Variants in QKI observed in about 807,000 individuals in gnomAD.
The protein encoded by QKI is QKI, KH domain containing RNA binding.
A neutral mutation model predicts 39.0 loss-of-function variants in QKI; 10 were observed. That is an observed-to-expected ratio of 0.26 (90% confidence interval 0.16 to 0.43). QKI has a LOEUF of 0.43. QKI is among the 20% of genes least tolerant of loss of function. The pLI is 1.00. For synonymous variants in QKI, 204 were observed against 155.4 expected (o/e 1.31, Z -2.33); for missense variants, 218 against 428.0 (o/e 0.51, Z 4.33).
At chr6:163,435,865 C>A (rs867154211) in intron 1 of QKI, among the ~76,000 whole-genome samples, 1 of 152,060 alleles carries the variant, frequency 6.6e-6, no homozygotes, top group Non-Finnish European at 1.5e-5. Flanking sequence ...TGTATTTAAG[C>A]CATTTATATT....
intron 1 of QKI, among the ~76,000 whole-genome samples, chr6:163,442,558 G>A (rs1299961188): frequency 6.6e-6 from 1 of 152,184 alleles, no homozygotes; most frequent in Non-Finnish European, 1.5e-5. Context: ...AAATGATTGT[G>A]GTTAGAGCTG....
chr6:163,565,859 A>G (rs369965620), intron 6 of QKI: 88 of 1,566,160 alleles, frequency 5.6e-5, no homozygotes, highest in Non-Finnish European at 7.6e-5. Flanking sequence ...AGATGCAGAC[A>G]TGTGTGTTGG....
At chr6:163,423,947 A>G (rs765539051) in intron 1 of QKI, among the ~76,000 whole-genome samples, 1 of 152,230 alleles carries the variant, frequency 6.6e-6, no homozygotes, top group Admixed American at 6.5e-5. Flanking sequence ...AAACAGCCCA[A>G]TGATATATCA....
At position 163,453,357 on chromosome 6, in the gene QKI, G is replaced by A. The variant is rs957410351; in HGVS notation, c.143-1922G>A. Reference sequence around the variant, plus strand: ...GCTATTCTCAGGCTTTGATATTAGTGTGGTGCTAACTGCAGTAAGAATAGG... The same window carrying A: ...GCTATTCTCAGGCTTTGATATTAGTATGGTGCTAACTGCAGTAAGAATAGG... On this transcript the variant is annotated intron_variant, in intron 1 of 7. Coordinates refer to ENST00000361752, the MANE Select transcript of QKI (RefSeq NM_006775.3). 1.1e-4 allele frequency among the ~76,000 whole-genome samples: 16 copies of A among 151,940 alleles called. 1 individual carries two copies. The highest frequency in any genetic ancestry group is 3.9e-4 in the African/African-American group (16 of 41,384).
intron 1 of QKI, among the ~76,000 whole-genome samples, chr6:163,432,600 G>A (rs1341048559): frequency 6.6e-6 from 1 of 151,960 alleles, no homozygotes; most frequent in Non-Finnish European, 1.5e-5. Context: ...AGGGTCTCAC[G>A]ATATTGCCCA....
chr6:163,480,137 G>A (rs1792962033), intron 3 of QKI, among the ~76,000 whole-genome samples: 1 of 152,134 alleles, frequency 6.6e-6, no homozygotes, highest in Non-Finnish European at 1.5e-5. Context: ...ATACTGTGAG[G>A]CAGGATAGTT....
intron 3 of QKI, among the ~76,000 whole-genome samples, chr6:163,505,510 C>A (rs956090780): frequency 6.6e-6 from 1 of 152,318 alleles, no homozygotes; most frequent in East Asian, 1.9e-4. Context: ...CTTGCAACAA[C>A]GTGTCCTGGA....
intron 3 of QKI, among the ~76,000 whole-genome samples, chr6:163,505,412 C>T (rs1469408456): frequency 6.6e-6 from 1 of 152,208 alleles, no homozygotes; most frequent in Non-Finnish European, 1.5e-5. Context: ...GCTGCAGGCA[C>T]TCATTGTCAG....
chr6:163,421,141 GTGAT>G (rs1169363974), intron 1 of QKI, among the ~76,000 whole-genome samples: 2 of 152,174 alleles, frequency 1.3e-5, no homozygotes, highest in Non-Finnish European at 2.9e-5. Flanking sequence ...AAGCAGTTGT[GTGAT>G]TGTTGATAGT....
chr6:163,570,808 G>T lies in QKI; in HGVS notation c.*98G>T. 6.6e-7 allele frequency: 1 copy of T among 1,507,562 alleles called. No homozygotes were observed. Among genetic ancestry groups the T allele is most frequent in the Non-Finnish European group, 9.0e-7 (1 of 1,105,452 alleles). The allele number at this position is 1,507,562 out of a possible 1,614,324, so 93.4% of individuals were successfully genotyped here. A position where few individuals can be genotyped will look rare whatever the true frequency, so the allele number is the denominator to read the frequency against. ...TGGTAATCGCCTTTGCTTGCCTGTC[G>T]TCAGTGCAGCGAGCTGAGGCACTTG... is the stretch of plus-strand genomic sequence containing the variant. On this transcript the variant is annotated 3_prime_UTR_variant, in exon 8 of 8. Coordinates refer to ENST00000361752, the MANE Select transcript of QKI (RefSeq NM_006775.3).
At chr6:163,568,065 G>A (rs1783473856) in intron 7 of QKI, 1 of 985,208 alleles carries the variant, frequency 1.0e-6, no homozygotes, top group African/African-American at 1.7e-5. Flanking sequence ...CCCCAGCTCC[G>A]TGGTCGTCTA....
intron 3 of QKI, among the ~76,000 whole-genome samples, chr6:163,494,976 C>T (rs1233862961): frequency 3.3e-5 from 5 of 151,510 alleles, no homozygotes; most frequent in South Asian, 2.1e-4. Flanking sequence ...AGTGCAGTGG[C>T]GCGATCTTGG....
chr6:163,415,355 C>G lies in QKI; in HGVS notation c.142+20C>G. 2 of 1,541,392 alleles carry G rather than the reference C, an allele frequency of 1.3e-6. No individual in the cohort carries two copies. Among genetic ancestry groups the G allele is most frequent in the East Asian group, 2.5e-5 (1 of 40,530 alleles). On this transcript the variant is annotated intron_variant, in intron 1 of 7. Coordinates refer to ENST00000361752, the MANE Select transcript of QKI (RefSeq NM_006775.3). ...ACGAAGGTGAGCGTCTCCAGGGCCCCGGCCCCGGCCCGACCCCCGCCGGGG... is the reference window on the plus strand; with the variant it reads ...ACGAAGGTGAGCGTCTCCAGGGCCCGGGCCCCGGCCCGACCCCCGCCGGGG...
chr6:163,415,205 A>C lies in QKI; in HGVS notation c.12A>C (p.Glu4Asp). ...GCGGAGCCTGGAATATGGTCGGGGA[A>C]ATGGAAACGAAGGAGAAGCCGAAGC... is the stretch of plus-strand genomic sequence containing the variant. MVG[E>D]METKEKPKPT... The change falls in exon 1 of 8, where the codon GAA becomes GAC. Residue 4 changes from glutamate to aspartate, a missense_variant. By Grantham distance (45) the Glu-to-Asp change is conservative. Coordinates refer to ENST00000361752, the MANE Select transcript of QKI (RefSeq NM_006775.3). The C allele has an allele frequency of 6.4e-6, 10 of 1,565,402 alleles. No homozygotes were observed. Among genetic ancestry groups the C allele is most frequent in the African/African-American group, 1.4e-5 (1 of 72,888 alleles).
In QKI at chr6:163,573,572, C is replaced by G. The variant is rs1783820135; in HGVS notation, c.*2862C>G. The G allele has an allele frequency of 6.6e-6, 1 of 152,086 alleles. No individual in the cohort carries two copies. Among genetic ancestry groups the G allele is most frequent in the African/African-American group, 2.4e-5 (1 of 41,406 alleles). The allele number at this position is 152,086 out of a possible 1,614,324, so 9.4% of individuals were successfully genotyped here. The stretch of plus-strand genomic sequence containing the variant: ...TTGATTGAGAAAAGGATACAAAATG[C>G]AAAATCCACAATTTTGATAACTGAA... On this transcript the variant is annotated 3_prime_UTR_variant, in exon 8 of 8. Transcript: ENST00000361752.
At chr6:163,458,587 T>C (rs922702377) in intron 2 of QKI, among the ~76,000 whole-genome samples, 13 of 152,208 alleles carry the variant, frequency 8.5e-5, no homozygotes, top group African/African-American at 3.1e-4. Context: ...GAAGTCAGTG[T>C]TAAGTTAGAG....
intron 3 of QKI, among the ~76,000 whole-genome samples, chr6:163,522,373 A>G (rs1000668371): frequency 3.3e-5 from 5 of 152,142 alleles, no homozygotes; most frequent in Admixed American, 2.0e-4. Context: ...AAATAAATAA[A>G]TGAATACGTG....
At chr6:163,507,358 A>G (rs375865700) in intron 3 of QKI, among the ~76,000 whole-genome samples, 26 of 152,210 alleles carry the variant, frequency 1.7e-4, no homozygotes, top group African/African-American at 5.8e-4. Context: ...AAGCAACTCT[A>G]AAATATGCAC....
intron 3 of QKI, among the ~76,000 whole-genome samples, chr6:163,500,022 T>A (rs1778657552): frequency 6.6e-6 from 1 of 152,054 alleles, no homozygotes; most frequent in Non-Finnish European, 1.5e-5. Flanking sequence ...GTGGTTGACA[T>A]GGGGAGGTCT....
Sources: allele counts gnomAD v4.1 joint callset (sites outside exome capture counted in the v4.1 genomes callset), GRCh38; gene constraint gnomAD v4.1.1; transcripts MANE v1.5; gene names NCBI Gene and HGNC (gene_info 2026-07-23, HGNC 2026-07-21).